UNC13C: variants seen among roughly 807,000 people sequenced by gnomAD.
The protein encoded by UNC13C is protein unc-13 homolog C.
Under a neutral mutation model 245.4 loss-of-function variants are expected in UNC13C, and 174 were observed. The observed-to-expected ratio is 0.71, with a 90% confidence interval of 0.63 to 0.80. UNC13C has a LOEUF of 0.80. Among genes scored for constraint, UNC13C ranks in the 30% least tolerant of loss-of-function variants. UNC13C has a pLI of 0.00. For missense variants in UNC13C, 2,829 were observed against 2,602.9 expected (o/e 1.09, Z -1.89); for synonymous variants, 992 against 895.1 (o/e 1.11, Z -1.93).
chr15:54,312,217 T>C (rs1026250018), intron 13 of UNC13C, among the ~76,000 whole-genome samples: 2 of 151,714 alleles, frequency 1.3e-5, no homozygotes, highest in Admixed American at 1.3e-4. Context: ...TTGTGTTTGG[T>C]GTGCATGTGT....
intron 2 of UNC13C, among the ~76,000 whole-genome samples, chr15:54,082,310 G>A (rs1258979067): frequency 6.6e-6 from 1 of 152,092 alleles, no homozygotes; most frequent in African/African-American, 2.4e-5. Context: ...TCTGGGTCTT[G>A]AGCTCTAGCA....
intron 2 of UNC13C, 94 bp downstream of exon 2, chr15:54,015,980 G>T: frequency 5.4e-6 from 6 of 1,103,242 alleles, no homozygotes; most frequent in Non-Finnish European, 7.6e-6. Flanking sequence ...TTGGGTGAAA[G>T]AGTTTACTTG....
the UNC13C span, among the ~76,000 whole-genome samples, chr15:53,880,255 T>C: frequency 6.6e-6 from 1 of 152,172 alleles, no homozygotes; most frequent in Non-Finnish European, 1.5e-5. Flanking sequence ...GTAGTTTTAC[T>C]AGGATCTGAG....
intron 2 of UNC13C, 127 bp downstream of exon 2, chr15:54,016,013 C>T: frequency 7.3e-6 from 6 of 816,726 alleles, no homozygotes; most frequent in Non-Finnish European, 1.1e-5. Context: ...ATGCTTTACT[C>T]TGAGGAGCAT....
chr15:54,552,588 GTACAATA>G (rs1896832559), intron 28 of UNC13C, among the ~76,000 whole-genome samples: 1 of 14,784 alleles, frequency 6.8e-5, no homozygotes. Context: ...ATATTATATT[GTACAATA>G]TATAATATAT....
At chr15:54,519,148 T>C (rs1301019220) in intron 24 of UNC13C, among the ~76,000 whole-genome samples, 2 of 148,342 alleles carry the variant, frequency 1.3e-5, no homozygotes, top group African/African-American at 5.2e-5. Context: ...TCAGAAATTC[T>C]TTTTTTTTCT....
intron 4 of UNC13C, among the ~76,000 whole-genome samples, chr15:54,229,945 T>C (rs943050948): frequency 6.6e-6 from 1 of 151,978 alleles, no homozygotes; most frequent in Admixed American, 6.6e-5. Flanking sequence ...TGTCACAAAT[T>C]GTAGGGTTTT....
intron 30 of UNC13C, among the ~76,000 whole-genome samples, chr15:54,586,892 A>AT (rs1898521077): frequency 6.6e-6 from 1 of 152,220 alleles, no homozygotes; most frequent in East Asian, 1.9e-4. Context: ...AAGTAAATTT[A>AT]TGGAAGCAGG....
At chr15:54,475,377 C>T (rs541640323) in intron 19 of UNC13C, among the ~76,000 whole-genome samples, 1 of 150,766 alleles carries the variant, frequency 6.6e-6, no homozygotes, top group Non-Finnish European at 1.5e-5. Flanking sequence ...TACATATGTA[C>T]ACATGTGCCA....
In UNC13C at chr15:54,554,611, T is replaced by C. The variant is rs1006982618; in HGVS notation, c.5878-821T>C. On this transcript the variant is annotated intron_variant, in intron 28 of 32. Coordinates refer to ENST00000260323, the MANE Select transcript of UNC13C (RefSeq NM_001080534.3). The stretch of plus-strand genomic sequence containing the variant: ...CGTTTTCCCTGTATTAAACAATATA[T>C]CTCATTCTCTGCGAACAGTGCTGGC... Among the ~76,000 whole-genome samples, 4 of 151,998 alleles carry C rather than the reference T, an allele frequency of 2.6e-5. No homozygotes were observed. In the East Asian group the frequency reaches 7.8e-4, roughly 29 times the overall value.
chr15:54,109,269 TCCTCCCCTCCCCTCCCCTCCCCTCC>T (rs1323893946), intron 2 of UNC13C, among the ~76,000 whole-genome samples: 2 of 81,960 alleles, frequency 2.4e-5, no homozygotes, highest in African/African-American at 1.0e-4. Flanking sequence ...CCTTTCCCTC[TCCTCCCCTCCCCTCCCCTCCCCTCC>T]CTTCCCCTCC....
chr15:54,133,660 G>T (rs2031562055), intron 2 of UNC13C, among the ~76,000 whole-genome samples: 1 of 152,112 alleles, frequency 6.6e-6, no homozygotes, highest in African/African-American at 2.4e-5. Context: ...TACCCAGCAT[G>T]TAATTACAGA....
At chr15:54,543,206 TATCTC>T (rs1362277315) in intron 26 of UNC13C, among the ~76,000 whole-genome samples, 1 of 152,094 alleles carries the variant, frequency 6.6e-6, no homozygotes, top group Non-Finnish European at 1.5e-5. Context: ...GGTGACAAAA[TATCTC>T]AGCATTTGCT....
intron 30 of UNC13C, among the ~76,000 whole-genome samples, chr15:54,597,299 A>G (rs1899141262): frequency 6.6e-6 from 1 of 152,110 alleles, no homozygotes; most frequent in Non-Finnish European, 1.5e-5. Context: ...ACTGCTCAGG[A>G]AGGTAAGAGC....
chr15:53,887,858 C>A, the UNC13C span, among the ~76,000 whole-genome samples: 1 of 152,150 alleles, frequency 6.6e-6, no homozygotes, highest in Non-Finnish European at 1.5e-5. Flanking sequence ...CCAGCTTCAT[C>A]CATGTCCCTG....
intron 19 of UNC13C, among the ~76,000 whole-genome samples, chr15:54,482,661 A>G (rs1427871716): frequency 3.9e-5 from 3 of 77,658 alleles, no homozygotes; most frequent in Non-Finnish European, 8.3e-5. Context: ...GTGGTTACCT[A>G]CTTGGTGTTT....
At chr15:54,420,602 T>C (rs990822149) in intron 19 of UNC13C, among the ~76,000 whole-genome samples, 6 of 151,966 alleles carry the variant, frequency 3.9e-5, no homozygotes, top group Non-Finnish European at 7.4e-5. Context: ...ATCATTTCTG[T>C]ATAATATTAG....
chr15:54,196,427 C>T (rs1288876454), intron 4 of UNC13C, among the ~76,000 whole-genome samples: 1 of 151,758 alleles, frequency 6.6e-6, no homozygotes, highest in Non-Finnish European at 1.5e-5. Context: ...TGGATCTATT[C>T]CACATTCAAT....
In UNC13C at chr15:54,525,564, A is replaced by G; in HGVS notation, c.5473A>G (p.Ser1825Gly). The G allele has an allele frequency of 6.2e-7, 1 of 1,612,476 alleles. No individual in the cohort carries two copies. Among genetic ancestry groups the G allele is most frequent in the Non-Finnish European group, 8.5e-7 (1 of 1,179,214 alleles). ...CTCTCTGCAGCTAGATTCTGAAGCTAGTACTATTCTAAAAGAACTTCAGGT... is the reference window on the plus strand; with the variant it reads ...CTCTCTGCAGCTAGATTCTGAAGCTGGTACTATTCTAAAAGAACTTCAGGT... The part of the protein sequence containing the change: ...MGGKELDSEA[S>G]TILKELQVKL... Residue 1825 changes from serine (S) to glycine (G), a missense_variant, in exon 25 of 33, where the codon AGT becomes GGT. Ser to Gly is a moderately conservative substitution (Grantham distance 56, BLOSUM62 0). Coordinates refer to ENST00000260323, the MANE Select transcript of UNC13C (RefSeq NM_001080534.3).
Sources: gnomAD v4.1 joint callset for allele counts (sites outside exome capture counted in the v4.1 genomes callset) on GRCh38, gnomAD v4.1.1 for gene constraint, MANE v1.5 for transcripts, NCBI Gene and HGNC (gene_info 2026-07-23, HGNC 2026-07-21) for gene names.